THSD4: variants seen among roughly 807,000 people sequenced by gnomAD.
THSD4 encodes the protein thrombospondin type-1 domain-containing protein 4.
Under a neutral mutation model 119.0 loss-of-function variants are expected in THSD4, and 69 were observed. That is an observed-to-expected ratio of 0.58 (90% CI 0.48 to 0.71). The LOEUF (loss-of-function observed/expected upper bound fraction) is 0.71, where lower values mean the gene tolerates loss of function less well. THSD4 is among the 30% of genes least tolerant of loss of function. THSD4 has a pLI of 0.00. For missense variants in THSD4, 1,393 were observed against 1,391.1 expected (o/e 1.00, Z -0.02); for synonymous variants, 524 against 540.4 (o/e 0.97, Z 0.42).
chr15:71,374,920 A>G (rs2046111070), intron 6 of THSD4, among the ~76,000 whole-genome samples: 1 of 152,094 alleles, frequency 6.6e-6, no homozygotes, highest in Non-Finnish European at 1.5e-5. Flanking sequence ...AGCCTCCCAG[A>G]CTAAGAAAGG....
In THSD4 at chr15:71,332,892, AT is replaced by A; in HGVS notation, c.1015+76193del. Among the ~76,000 whole-genome samples, 45 of 77,000 alleles carry A rather than the reference AT, an allele frequency of 5.8e-4. 5 individuals carry two copies. The highest frequency in any genetic ancestry group is 1.0e-3 in the Non-Finnish European group (39 of 38,872). The allele number at this position is 77,000 out of a possible 152,430, so 50.5% of individuals were successfully genotyped here. A position where few individuals can be genotyped will look rare whatever the true frequency, so the allele number is the denominator to read the frequency against. On this transcript the variant is annotated intron_variant, in intron 6 of 17. Coordinates refer to ENST00000261862, the MANE Select transcript of THSD4 (RefSeq NM_024817.3). ...TCTTAAAACATTGAGATTTTTTTAC[AT>A]TTTTTTTTTTTTTTTAGTTCATCAG...
At chr15:71,741,128 A>T (rs1480892662) in intron 11 of THSD4, among the ~76,000 whole-genome samples, 1 of 152,232 alleles carries the variant, frequency 6.6e-6, no homozygotes, top group Non-Finnish European at 1.5e-5. Flanking sequence ...TCCTAGATAT[A>T]CAAGTCTATT....
At position 71,536,835 on chromosome 15, in the gene THSD4, A is replaced by G. The variant is rs181143876; in HGVS notation, c.1153-123695A>G. ...TGGGAGGAAGTAGGGGTCTATCCTC[A>G]TTCTTTTGCGTGTAGATATCCACTT... On this transcript the variant is annotated intron_variant, in intron 7 of 17. Coordinates refer to ENST00000261862, the MANE Select transcript of THSD4 (RefSeq NM_024817.3). 1.5e-3 allele frequency among the ~76,000 whole-genome samples: 225 copies of G among 152,248 alleles called. 2 individuals are homozygous for G. Among genetic ancestry groups the G allele is most frequent in the African/African-American group, 5.2e-3 (216 of 41,540 alleles).
chr15:71,660,786 A>T, intron 8 of THSD4, 52 bp downstream of exon 8: 2 of 1,598,720 alleles, frequency 1.3e-6, no homozygotes, highest in Non-Finnish European at 8.6e-7. Flanking sequence ...CAGATGATGT[A>T]TTCCTTCAGA....
chr15:71,430,759 GAAAAAAAAA>G (rs397719477), intron 7 of THSD4, among the ~76,000 whole-genome samples: 9 of 82,958 alleles, frequency 1.1e-4, no homozygotes, highest in South Asian at 5.2e-4. Context: ...TCTGTCTCAA[GAAAAAAAAA>G]AAAAAAAAAA....
intron 7 of THSD4, among the ~76,000 whole-genome samples, chr15:71,500,394 C>T (rs115914929): frequency 0.026 from 3,921 of 152,156 alleles, 152 homozygotes; most frequent in African/African-American, 0.085. Context: ...TCAGATATAT[C>T]GTTTGCAAAT....
intron 7 of THSD4, among the ~76,000 whole-genome samples, chr15:71,584,063 T>G (rs1442956422): frequency 6.6e-6 from 1 of 152,118 alleles, no homozygotes; most frequent in Non-Finnish European, 1.5e-5. Context: ...CTGTCAATAT[T>G]GGGTGCTCCA....
At chr15:71,425,797 CAG>C (rs2046859176) in intron 7 of THSD4, among the ~76,000 whole-genome samples, 1 of 152,336 alleles carries the variant, frequency 6.6e-6, no homozygotes, top group South Asian at 2.1e-4. Context: ...GAACTCATCA[CAG>C]AGTTTTCTCA....
At chr15:71,358,591 T>G (rs1276862044) in intron 6 of THSD4, among the ~76,000 whole-genome samples, 1 of 152,234 alleles carries the variant, frequency 6.6e-6, no homozygotes, top group Non-Finnish European at 1.5e-5. Flanking sequence ...TGGACAAGAC[T>G]CCACTTCACT....
chr15:71,268,481 C>T (rs143908555), intron 6 of THSD4, among the ~76,000 whole-genome samples: 12 of 152,198 alleles, frequency 7.9e-5, no homozygotes, highest in African/African-American at 2.2e-4. Flanking sequence ...ATTTATAGCA[C>T]TAAATGCCCA....
intron 3 of THSD4, among the ~76,000 whole-genome samples, chr15:71,172,729 ATATATG>A (rs1172336882): frequency 2.3e-4 from 23 of 101,524 alleles, no homozygotes; most frequent in Admixed American, 4.8e-4. Context: ...ATATATATAT[ATATATG>A]TGGACAATTG....
At chr15:71,230,090 G>A (rs1395761883) in intron 4 of THSD4, among the ~76,000 whole-genome samples, 2 of 152,118 alleles carry the variant, frequency 1.3e-5, no homozygotes, top group Non-Finnish European at 2.9e-5. Context: ...TCAACCTGCC[G>A]GGGGTCAGCC....
At chr15:71,572,121 T>A (rs1246023316) in intron 7 of THSD4, among the ~76,000 whole-genome samples, 1 of 152,190 alleles carries the variant, frequency 6.6e-6, no homozygotes, top group African/African-American at 2.4e-5. Flanking sequence ...CTATTTATAA[T>A]AAAATAAAAT....
chr15:71,187,932 C>T (rs1002056593), intron 3 of THSD4, among the ~76,000 whole-genome samples: 16 of 152,246 alleles, frequency 1.1e-4, no homozygotes, highest in Non-Finnish European at 1.9e-4. Flanking sequence ...AGACTTAAGA[C>T]GGGACTAATT....
intron 5 of THSD4, among the ~76,000 whole-genome samples, chr15:71,254,971 G>A (rs527436247): frequency 1.3e-5 from 2 of 152,252 alleles, no homozygotes; most frequent in South Asian, 4.1e-4. Flanking sequence ...TGACCACGCT[G>A]GGCATTTGTA....
At chr15:71,111,034 C>T (rs555345559), upstream of THSD4, 59 of 1,210,372 alleles carry the variant, frequency 4.9e-5, no homozygotes, top group South Asian at 4.7e-5. Context: ...GAAGCAGCCT[C>T]GGATCCGGGT....
At chr15:71,134,949 A>G (rs2040535632) in intron 1 of THSD4, among the ~76,000 whole-genome samples, 1 of 147,546 alleles carries the variant, frequency 6.8e-6, no homozygotes, top group Non-Finnish European at 1.5e-5. Flanking sequence ...TCACAATAGC[A>G]AAGACTTGGA....
chr15:71,560,230 A>G (rs1420938594), intron 7 of THSD4, among the ~76,000 whole-genome samples: 3 of 152,250 alleles, frequency 2.0e-5, no homozygotes, highest in Non-Finnish European at 2.9e-5. Context: ...AGAGTGGTTT[A>G]TATCAGAATG....
chr15:71,154,375 G>C (rs987448351), intron 2 of THSD4, among the ~76,000 whole-genome samples: 1 of 152,230 alleles, frequency 6.6e-6, no homozygotes, highest in African/African-American at 2.4e-5. Context: ...GCAGAGGAAT[G>C]GTTCCCAGGA....
Sources: gnomAD v4.1 joint callset for allele counts (sites outside exome capture counted in the v4.1 genomes callset) on GRCh38, gnomAD v4.1.1 for gene constraint, MANE v1.5 for transcripts, NCBI Gene and HGNC (gene_info 2026-07-23, HGNC 2026-07-21) for gene names.